The following OR1J2 variants were observed in gnomAD, a reference collection of about 807,000 sequenced individuals.
OR1J2 encodes the protein olfactory receptor family 1 subfamily J member 2.
For synonymous variants in OR1J2, 142 were observed against 99.7 expected (o/e 1.42, Z -2.52); for missense variants, 304 against 246.1 (o/e 1.24, Z -1.57).
the OR1J2 span, among the ~76,000 whole-genome samples, chr9:122,452,314 G>A: frequency 9.1e-4 from 138 of 152,328 alleles, no homozygotes; most frequent in African/African-American, 3.2e-3. Flanking sequence ...GTATCACAGA[G>A]TCAAAACTCC....
At chr9:122,535,063 G>C in the OR1J2 span, among the ~76,000 whole-genome samples, 7 of 152,096 alleles carry the variant, frequency 4.6e-5, no homozygotes, top group South Asian at 1.5e-3. Flanking sequence ...GGGGAATGGA[G>C]GGTGGAAGCT....
At chr9:122,472,689 G>T in the OR1J2 span, among the ~76,000 whole-genome samples, 1 of 152,324 alleles carries the variant, frequency 6.6e-6, no homozygotes, top group African/African-American at 2.4e-5. Flanking sequence ...TCTTTCCACA[G>T]TGCATTCCCA....
At chr9:122,484,931 G>A in the OR1J2 span, among the ~76,000 whole-genome samples, 1 of 152,148 alleles carries the variant, frequency 6.6e-6, no homozygotes, top group Non-Finnish European at 1.5e-5. Flanking sequence ...CTACTCAGGA[G>A]GCTGAGGTGG....
the OR1J2 span, among the ~76,000 whole-genome samples, chr9:122,532,826 C>T: frequency 6.6e-6 from 1 of 152,010 alleles, no homozygotes; most frequent in Non-Finnish European, 1.5e-5. Context: ...ATTCTGACCG[C>T]ACTAACCATG....
the OR1J2 span, among the ~76,000 whole-genome samples, chr9:122,556,862 T>C: frequency 4.6e-5 from 7 of 152,184 alleles, no homozygotes; most frequent in Non-Finnish European, 1.0e-4. Flanking sequence ...CATGATAACA[T>C]TGAGTTTTCC....
At chr9:122,468,206 C>T in the OR1J2 span, among the ~76,000 whole-genome samples, 1 of 152,150 alleles carries the variant, frequency 6.6e-6, no homozygotes, top group East Asian at 1.9e-4. Context: ...TAAAGAAAAA[C>T]TGCAGTGAGT....
At chr9:122,502,736 T>C in the OR1J2 span, among the ~76,000 whole-genome samples, 1 of 151,856 alleles carries the variant, frequency 6.6e-6, no homozygotes, top group Non-Finnish European at 1.5e-5. Context: ...GGAGTAACCA[T>C]ATCTTTAGGC....
At chr9:122,485,133 T>A in the OR1J2 span, among the ~76,000 whole-genome samples, 1 of 150,708 alleles carries the variant, frequency 6.6e-6, no homozygotes, top group African/African-American at 2.4e-5. Flanking sequence ...CCCCACCGAG[T>A]GACAGGAAGA....
At chr9:122,470,504 G>A in the OR1J2 span, among the ~76,000 whole-genome samples, 1 of 152,230 alleles carries the variant, frequency 6.6e-6, no homozygotes, top group Non-Finnish European at 1.5e-5. Flanking sequence ...TGCTAGGGCA[G>A]GGTGCAAGGG....
the OR1J2 span, among the ~76,000 whole-genome samples, chr9:122,541,583 C>T: frequency 2.0e-5 from 3 of 152,180 alleles, no homozygotes; most frequent in East Asian, 3.8e-4. Flanking sequence ...TACATAACAA[C>T]GTATGCATAC....
the OR1J2 span, chr9:122,519,914 G>A: frequency 1.2e-6 from 2 of 1,614,124 alleles, no homozygotes; most frequent in Non-Finnish European, 8.5e-7. Flanking sequence ...TTATTGGACT[G>A]TATTTTCTCC....
the OR1J2 span, among the ~76,000 whole-genome samples, chr9:122,471,174 T>C: frequency 1.3e-5 from 2 of 152,202 alleles, no homozygotes; most frequent in Non-Finnish European, 2.9e-5. Flanking sequence ...AAATCTCAAC[T>C]TGAATTGTAT....
the OR1J2 span, chr9:122,477,230 C>A: frequency 6.2e-7 from 1 of 1,614,020 alleles, no homozygotes; most frequent in Non-Finnish European, 8.5e-7. Flanking sequence ...TTGCATATGC[C>A]CTTGGTAGAG....
chr9:122,504,366 C>T, the OR1J2 span, among the ~76,000 whole-genome samples: 1 of 152,176 alleles, frequency 6.6e-6, no homozygotes, highest in South Asian at 2.1e-4. Flanking sequence ...TCAGATGATC[C>T]AATTAGCATG....
chr9:122,572,011 G>T, the OR1J2 span, among the ~76,000 whole-genome samples: 1 of 152,194 alleles, frequency 6.6e-6, no homozygotes. Context: ...GGAGGCCTCA[G>T]GAAACTTTTA....
At chr9:122,577,569 A>T in the OR1J2 span, among the ~76,000 whole-genome samples, 1 of 152,334 alleles carries the variant, frequency 6.6e-6, no homozygotes, top group Middle Eastern at 3.4e-3. Flanking sequence ...GCAATAATGA[A>T]CTATTGGATA....
chr9:122,461,403 T>G, the OR1J2 span, among the ~76,000 whole-genome samples: 4 of 152,060 alleles, frequency 2.6e-5, no homozygotes, highest in African/African-American at 7.2e-5. Flanking sequence ...TATTTTTTTT[T>G]GTTTCAATTT....
At chr9:122,504,783 G>A in the OR1J2 span, among the ~76,000 whole-genome samples, 3 of 151,972 alleles carry the variant, frequency 2.0e-5, no homozygotes, top group Admixed American at 2.0e-4. Flanking sequence ...TATACTGCTT[G>A]CTTTCATAGC....
chr9:122,568,515 T>G, the OR1J2 span: 3 of 1,223,452 alleles, frequency 2.5e-6, no homozygotes, highest in East Asian at 2.4e-5. Flanking sequence ...GTTTTGTCAT[T>G]TAACATGCTC....
Sources: allele counts gnomAD v4.1 joint callset (sites outside exome capture counted in the v4.1 genomes callset), GRCh38; gene constraint gnomAD v4.1.1; transcripts MANE v1.5; gene names NCBI Gene and HGNC (gene_info 2026-07-23, HGNC 2026-07-21).